Variants in SLC4A4 observed in about 807,000 individuals in gnomAD.
The protein encoded by SLC4A4 is electrogenic sodium bicarbonate cotransporter 1.
Under a neutral mutation model 111.5 loss-of-function variants are expected in SLC4A4, and 27 were observed. The ratio of observed to expected loss-of-function variants is 0.24; its 90% CI spans 0.18 to 0.33. The LOEUF is 0.33. Ranked by LOEUF, SLC4A4 falls within the 10% of genes least tolerant of loss-of-function variation. SLC4A4 has a pLI of 1.00. For missense variants in SLC4A4, 909 were observed against 1,315.5 expected (o/e 0.69, Z 4.78); for synonymous variants, 443 against 463.4 (o/e 0.96, Z 0.57).
chr4:71,479,709 T>A (rs1450308660), intron 14 of SLC4A4, among the ~76,000 whole-genome samples: 1 of 151,766 alleles, frequency 6.6e-6, no homozygotes, highest in Non-Finnish European at 1.5e-5. Flanking sequence ...CCCTCAGGCT[T>A]GCATTTGTGA....
chr4:71,286,211 T>G (rs775719158), intron 3 of SLC4A4, among the ~76,000 whole-genome samples: 11 of 152,040 alleles, frequency 7.2e-5, no homozygotes, highest in Non-Finnish European at 1.5e-4. Flanking sequence ...CTGCACTCCA[T>G]CCTGGGTGAC....
intron 3 of SLC4A4, among the ~76,000 whole-genome samples, chr4:71,326,087 T>C (rs1429740058): frequency 6.6e-6 from 1 of 151,902 alleles, no homozygotes; most frequent in Admixed American, 6.6e-5. Flanking sequence ...TTAGCCTCCC[T>C]CCATGCCTCA....
rs374180983 is a variant in SLC4A4 at position 71,278,803 on chromosome 4, T to G, written c.253+23404T>G. On this transcript the variant is annotated intron_variant, in intron 3 of 25. Transcript: ENST00000264485. ...TTAAAAAATGAGATTGTCATTATTA[T>G]TATTGTTATTACTATTTTTGCTGTT... 2.2e-4 allele frequency among the ~76,000 whole-genome samples: 33 copies of G among 152,340 alleles called. No individual in the cohort carries two copies. In the South Asian group the frequency reaches 2.9e-3, roughly 13 times the overall value.
rs184540215 is a variant in SLC4A4, at chr4:71,395,471, C to A, written c.731-2106C>A. 3.3e-5 allele frequency among the ~76,000 whole-genome samples: 5 copies of A among 152,246 alleles called. No individual in the cohort carries two copies. The East Asian group carries it at 9.6e-4, about 29-fold the overall frequency. On this transcript the variant is annotated intron_variant, in intron 6 of 25. Coordinates refer to ENST00000264485, the MANE Select transcript of SLC4A4 (RefSeq NM_001098484.3). ...ATCTGGTTCCTGCATTTTTCTTGGACCTGAACCTTTCTCTTGCTCCTCATA... is the reference window on the plus strand; with the variant it reads ...ATCTGGTTCCTGCATTTTTCTTGGAACTGAACCTTTCTCTTGCTCCTCATA...
intron 1 of SLC4A4, among the ~76,000 whole-genome samples, chr4:71,064,748 T>G (rs1741472879): frequency 6.6e-6 from 1 of 152,146 alleles, no homozygotes; most frequent in Non-Finnish European, 1.5e-5. Flanking sequence ...TTCATGGACA[T>G]GGAACATTTC....
chr4:71,081,812 G>GA (rs1269742583), intron 1 of SLC4A4, among the ~76,000 whole-genome samples: 1 of 151,974 alleles, frequency 6.6e-6, no homozygotes, highest in African/African-American at 2.4e-5. Flanking sequence ...TTCTGTTTTT[G>GA]AAAATAAAAA....
intron 1 of SLC4A4, among the ~76,000 whole-genome samples, chr4:71,083,399 G>T (rs896443815): frequency 1.3e-5 from 2 of 151,066 alleles, no homozygotes; most frequent in Non-Finnish European, 2.9e-5. Flanking sequence ...CAATTGATGG[G>T]GCCAATAGCT....
At chr4:71,299,364 G>A (rs1040479202) in intron 3 of SLC4A4, among the ~76,000 whole-genome samples, 2 of 152,192 alleles carry the variant, frequency 1.3e-5, no homozygotes, top group African/African-American at 2.4e-5. Context: ...CATTGATTGA[G>A]CTACAGGTAC....
At chr4:71,407,296 A>G (rs1265165775) in intron 7 of SLC4A4, among the ~76,000 whole-genome samples, 1 of 152,214 alleles carries the variant, frequency 6.6e-6, no homozygotes, top group Non-Finnish European at 1.5e-5. Context: ...CTGCTGCCAC[A>G]ATGATTAAAA....
At chr4:71,559,516 G>A (rs1372311921) in intron 22 of SLC4A4, among the ~76,000 whole-genome samples, 2 of 151,760 alleles carry the variant, frequency 1.3e-5, no homozygotes, top group Admixed American at 1.3e-4. Context: ...GAATAAATGA[G>A]ATAATATTGC....
At chr4:71,311,051 C>T (rs961371410) in intron 3 of SLC4A4, among the ~76,000 whole-genome samples, 3 of 152,138 alleles carry the variant, frequency 2.0e-5, no homozygotes, top group African/African-American at 7.2e-5. Flanking sequence ...ATCGTAGTCT[C>T]TGATAAAACA....
Position 71,508,771 on chromosome 4 carries a change from T to A in SLC4A4, c.2166+11079T>A, listed in dbSNP as rs1273608456. Among the ~76,000 whole-genome samples, 3 of 152,056 alleles carry A rather than the reference T, an allele frequency of 2.0e-5. No individual in the cohort carries two copies. The East Asian group carries it at 5.8e-4, about 29-fold the overall frequency. ...AATTGACTGTATGAGTCCAGCTTCA[T>A]TCTTATACCAAAACCTGGCAGAGAT... On this transcript the variant is annotated intron_variant, in intron 16 of 25. Coordinates refer to ENST00000264485, the MANE Select transcript of SLC4A4 (RefSeq NM_001098484.3).
rs1484088552 is a variant in SLC4A4, at chr4:71,553,992, A to C, written c.2695-1148A>C. ...ATATATAAATAAGGATATTTATTTC[A>C]TATAAATTTAAGCATCCCTATGGCT... On this transcript the variant is annotated intron_variant, in intron 20 of 25. Transcript: ENST00000264485. Among the ~76,000 whole-genome samples the C allele has an allele frequency of 2.0e-5, 3 of 151,890 alleles. No individual in the cohort carries two copies. The East Asian group carries it at 5.8e-4, about 30-fold the overall frequency.
intron 3 of SLC4A4, among the ~76,000 whole-genome samples, chr4:71,320,044 A>G (rs999014073): frequency 6.6e-6 from 1 of 151,984 alleles, no homozygotes; most frequent in Admixed American, 6.6e-5. Context: ...CAGCTGCTGC[A>G]AACACTTCAT....
chr4:71,193,609 T>C (rs919285987), intron 1 of SLC4A4, among the ~76,000 whole-genome samples: 1 of 152,236 alleles, frequency 6.6e-6, no homozygotes, highest in Non-Finnish European at 1.5e-5. Flanking sequence ...AAAGGGGTTT[T>C]GTATGTCTTT....
chr4:71,564,260 G>T (rs1001228375), intron 24 of SLC4A4, among the ~76,000 whole-genome samples: 1 of 151,262 alleles, frequency 6.6e-6, no homozygotes, highest in African/African-American at 2.4e-5. Context: ...GTTTTAACTA[G>T]TGATCAAATC....
chr4:71,356,530 T>C (rs1364904198), intron 5 of SLC4A4, among the ~76,000 whole-genome samples: 1 of 152,222 alleles, frequency 6.6e-6, no homozygotes, highest in Admixed American at 6.5e-5. Context: ...ACTGTTTCCC[T>C]TGACTGTATT....
intron 20 of SLC4A4, among the ~76,000 whole-genome samples, chr4:71,550,346 A>T (rs866614742): frequency 6.6e-6 from 1 of 151,938 alleles, no homozygotes; most frequent in Admixed American, 6.6e-5. Context: ...TGTACCATTG[A>T]GGTTTGGTAA....
intron 3 of SLC4A4, among the ~76,000 whole-genome samples, chr4:71,275,760 T>G (rs546885453): frequency 5.9e-5 from 9 of 152,368 alleles, no homozygotes; most frequent in African/African-American, 2.2e-4. Flanking sequence ...CACACCACAT[T>G]TCCTTCCTAT....
Sources: allele counts gnomAD v4.1 joint callset (sites outside exome capture counted in the v4.1 genomes callset), GRCh38; gene constraint gnomAD v4.1.1; transcripts MANE v1.5; gene names NCBI Gene and HGNC (gene_info 2026-07-23, HGNC 2026-07-21).